Variants in PTPRD observed in about 807,000 individuals in gnomAD.
PTPRD encodes the protein protein tyrosine phosphatase receptor type D.
A neutral mutation model predicts 214.5 loss-of-function variants in PTPRD; 34 were observed. That is an observed-to-expected ratio of 0.16 (90% CI 0.12 to 0.21). The LOEUF is 0.21. Ranked by LOEUF, PTPRD falls within the 10% of genes least tolerant of loss-of-function variation. PTPRD has a pLI of 1.00. For missense variants in PTPRD, 2,545 were observed against 2,398.7 expected, an observed-to-expected ratio of 1.06 and a Z score of -1.27; for synonymous variants, 1,128 against 845.7, an observed-to-expected ratio of 1.33 and a Z score of -5.79.
intron 8 of PTPRD, among the ~76,000 whole-genome samples, chr9:9,489,256 T>C (rs1289506059): frequency 1.3e-5 from 2 of 152,016 alleles, no homozygotes; most frequent in Non-Finnish European, 2.9e-5. Context: ...AACAATCAAA[T>C]GAAATAAAAC....
At chr9:10,420,220 T>C (rs879155401) in intron 2 of PTPRD, among the ~76,000 whole-genome samples, 2 of 151,898 alleles carry the variant, frequency 1.3e-5, no homozygotes, top group Admixed American at 1.3e-4. Flanking sequence ...TGTATAATAA[T>C]AATAATTTCT....
At position 10,312,042 on chromosome 9, in the gene PTPRD, T is replaced by C. The variant is rs142233985; in HGVS notation, c.-545+28921A>G. On this transcript the variant is annotated intron_variant, in intron 3 of 45. Transcript: ENST00000381196. Reference sequence around the variant, plus strand: ...ACCAATAAGGTCTCATCTCACCTCATTGTTATTATTCACCTTTGAGAGTTG... The same window carrying C: ...ACCAATAAGGTCTCATCTCACCTCACTGTTATTATTCACCTTTGAGAGTTG... Among the ~76,000 whole-genome samples, 11 of 152,112 alleles carry C rather than the reference T, an allele frequency of 7.2e-5. 1 individual carries two copies. In the Middle Eastern group the frequency reaches 0.01, roughly 141 times the overall value.
intron 3 of PTPRD, among the ~76,000 whole-genome samples, chr9:10,332,138 C>T (rs1000177035): frequency 2.6e-5 from 4 of 151,808 alleles, no homozygotes; most frequent in African/African-American, 9.7e-5. Flanking sequence ...GAAAGTGTTG[C>T]TTCTTTTCCC....
intron 3 of PTPRD, among the ~76,000 whole-genome samples, chr9:10,295,396 A>G (rs1596359838): frequency 6.6e-6 from 1 of 152,082 alleles, no homozygotes; most frequent in African/African-American, 2.4e-5. Context: ...TGGAGAAATT[A>G]CCAAGAATAT....
intron 11 of PTPRD, among the ~76,000 whole-genome samples, chr9:8,741,310 A>C (rs2091864652): frequency 6.6e-6 from 1 of 152,154 alleles, no homozygotes; most frequent in South Asian, 2.1e-4. Flanking sequence ...AAAGAATCTA[A>C]AATTTCTTTC....
chr9:10,547,894 T>C (rs2060497399), intron 2 of PTPRD, among the ~76,000 whole-genome samples: 1 of 152,124 alleles, frequency 6.6e-6, no homozygotes, highest in African/African-American at 2.4e-5. Context: ...GATCGTGTTT[T>C]AATAGAGATG....
chr9:10,498,300 G>A (rs1464199289), intron 2 of PTPRD, among the ~76,000 whole-genome samples: 1 of 151,880 alleles, frequency 6.6e-6, no homozygotes, highest in Admixed American at 6.6e-5. Context: ...AAACAATCAA[G>A]TTACAGGAGA....
intron 10 of PTPRD, among the ~76,000 whole-genome samples, chr9:9,145,003 C>G (rs557296437): frequency 1.3e-5 from 2 of 152,150 alleles, no homozygotes; most frequent in Admixed American, 6.6e-5. Flanking sequence ...AAACAAATAT[C>G]AGCAAAGTAA....
chr9:10,458,415 C>G (rs1304996994), intron 2 of PTPRD, among the ~76,000 whole-genome samples: 1 of 152,140 alleles, frequency 6.6e-6, no homozygotes, highest in Non-Finnish European at 1.5e-5. Context: ...ATGGATACAT[C>G]ATGTTAACAG....
chr9:10,295,719 T>G (rs1362867159), intron 3 of PTPRD, among the ~76,000 whole-genome samples: 3 of 152,098 alleles, frequency 2.0e-5, no homozygotes. Context: ...AATTAAAGTA[T>G]GAACTTTATG....
chr9:9,819,276 T>G (rs2049888904), intron 5 of PTPRD, among the ~76,000 whole-genome samples: 1 of 152,116 alleles, frequency 6.6e-6, no homozygotes, highest in South Asian at 2.1e-4. Context: ...TCTATAACGA[T>G]TTATTACAGG....
At position 9,554,617 on chromosome 9, in the gene PTPRD, C is replaced by A. The variant is rs193073984; in HGVS notation, c.-237+20115G>T. On this transcript the variant is annotated intron_variant, in intron 8 of 45. Coordinates refer to ENST00000381196, the MANE Select transcript of PTPRD (RefSeq NM_002839.4). Reference sequence around the variant, plus strand: ...TGAAGATATTGGTCGTTGTTTGGCACCTGAAGAAATTACCCATGAAATGAA... The same window carrying A: ...TGAAGATATTGGTCGTTGTTTGGCAACTGAAGAAATTACCCATGAAATGAA... Among the ~76,000 whole-genome samples, 27 of 151,998 alleles carry A rather than the reference C, an allele frequency of 1.8e-4. No homozygotes were observed. In the East Asian group the frequency reaches 4.8e-3, roughly 27 times the overall value.
intron 9 of PTPRD, among the ~76,000 whole-genome samples, chr9:9,384,465 G>A (rs1314587991): frequency 7.0e-6 from 1 of 141,958 alleles, no homozygotes; most frequent in African/African-American, 2.6e-5. Flanking sequence ...TAATCACCTG[G>A]TATGTTGAGG....
chr9:9,006,140 C>T (rs2099464633), intron 11 of PTPRD, among the ~76,000 whole-genome samples: 1 of 151,912 alleles, frequency 6.6e-6, no homozygotes, highest in South Asian at 2.1e-4. Flanking sequence ...ACTTCTTTCA[C>T]TTTTGTGTCT....
intron 2 of PTPRD, among the ~76,000 whole-genome samples, chr9:10,442,811 G>A (rs531304947): frequency 2.0e-5 from 3 of 151,408 alleles, no homozygotes; most frequent in African/African-American, 7.2e-5. Flanking sequence ...TCCTATTTTT[G>A]CTTGTTGGGA....
intron 7 of PTPRD, among the ~76,000 whole-genome samples, chr9:9,595,599 A>C (rs2093278564): frequency 6.6e-6 from 1 of 151,062 alleles, no homozygotes; most frequent in South Asian, 2.1e-4. Context: ...TATATGATGG[A>C]ATACAATTCA....
intron 10 of PTPRD, among the ~76,000 whole-genome samples, chr9:9,036,967 A>T (rs1234046183): frequency 1.3e-5 from 2 of 152,208 alleles, no homozygotes; most frequent in African/African-American, 4.8e-5. Flanking sequence ...AATGAAAGTT[A>T]AATTGGTTTG....
At chr9:9,200,547 C>A (rs1282736249) in intron 9 of PTPRD, among the ~76,000 whole-genome samples, 2 of 152,152 alleles carry the variant, frequency 1.3e-5, no homozygotes, top group African/African-American at 4.8e-5. Flanking sequence ...AGATTAAGGA[C>A]CCAACACTCA....
intron 11 of PTPRD, among the ~76,000 whole-genome samples, chr9:8,953,680 A>G (rs947183954): frequency 6.6e-6 from 1 of 151,920 alleles, no homozygotes. Context: ...GTGAAAATAT[A>G]GGCAAAAGAT....
Sources: gnomAD v4.1 joint callset for allele counts (sites outside exome capture counted in the v4.1 genomes callset) on GRCh38, gnomAD v4.1.1 for gene constraint, MANE v1.5 for transcripts, NCBI Gene and HGNC (gene_info 2026-07-23, HGNC 2026-07-21) for gene names.